Variants in GALNT14 observed in about 807,000 individuals in gnomAD.
The protein encoded by GALNT14 is UDP-GalNAc:polypeptide N-acetylgalactosaminyltransferase 14.
In GALNT14, 60 loss-of-function variants were observed where a neutral mutation model predicts 77.5. That is an observed-to-expected ratio of 0.77 (90% CI 0.63 to 0.96). The LOEUF is 0.96. GALNT14 is among the 40% of genes least tolerant of loss of function. The pLI is 0.00. For synonymous variants in GALNT14, 280 were observed against 281.7 expected (o/e 0.99, Z 0.06); for missense variants, 710 against 731.0 (o/e 0.97, Z 0.33).
chr2:30,934,909 G>A (rs1271643351), intron 9 of GALNT14, among the ~76,000 whole-genome samples: 1 of 152,094 alleles, frequency 6.6e-6, no homozygotes, highest in Non-Finnish European at 1.5e-5. Context: ...GAGATGGACG[G>A]GACATTATCA....
intron 1 of GALNT14, among the ~76,000 whole-genome samples, chr2:31,100,379 T>C (rs1017027989): frequency 2.6e-5 from 4 of 152,134 alleles, no homozygotes; most frequent in African/African-American, 9.6e-5. Flanking sequence ...TGTTTGTATA[T>C]GTGAAAAGTA....
intron 1 of GALNT14, among the ~76,000 whole-genome samples, chr2:31,057,318 A>AT (rs1558532821): frequency 2.8e-4 from 35 of 123,486 alleles, no homozygotes; most frequent in African/African-American, 4.7e-4. Flanking sequence ...TATATATATA[A>AT]AATTATATAT....
chr2:30,941,432 T>C (rs949976682), intron 9 of GALNT14, among the ~76,000 whole-genome samples: 5 of 152,196 alleles, frequency 3.3e-5, no homozygotes, highest in African/African-American at 4.8e-5. Context: ...ATTTTACACA[T>C]TTACTTCAAT....
chr2:30,976,543 A>G (rs1206886689), intron 2 of GALNT14, among the ~76,000 whole-genome samples: 1 of 152,076 alleles, frequency 6.6e-6, no homozygotes, highest in Non-Finnish European at 1.5e-5. Context: ...CTCTAGGGAC[A>G]CTGGCAGGAC....
At chr2:30,996,486 G>T (rs1208480473) in intron 1 of GALNT14, among the ~76,000 whole-genome samples, 1 of 152,258 alleles carries the variant, frequency 6.6e-6, no homozygotes, top group Non-Finnish European at 1.5e-5. Context: ...GTGCTGGAGA[G>T]GCAGGTGGAG....
intron 1 of GALNT14, among the ~76,000 whole-genome samples, chr2:31,044,057 G>A (rs1317431908): frequency 6.6e-6 from 1 of 152,162 alleles, no homozygotes; most frequent in African/African-American, 2.4e-5. Context: ...CACAGTGAAG[G>A]ACTAGCGACA....
chr2:31,074,158 A>AAGGGAGACGGTGCC lies in GALNT14; in HGVS notation c.129+63786_129+63799dup, dbSNP rs372183622. On this transcript the variant is annotated intron_variant, in intron 1 of 14. Transcript: ENST00000349752. ...ACTGCCCAGGAGAAGACACAGACTG[A>AAGGGAGACGGTGCC]AGGGAGACGGTGCCAGGGAGACGGT... Among the ~76,000 whole-genome samples the AAGGGAGACGGTGCC allele has an allele frequency of 8.5e-3, 1,292 of 152,254 alleles. 16 individuals are homozygous for AAGGGAGACGGTGCC. The highest frequency in any genetic ancestry group is 0.028 in the African/African-American group (1,168 of 41,540).
At chr2:31,080,647 T>C (rs750046475) in intron 1 of GALNT14, among the ~76,000 whole-genome samples, 1 of 151,986 alleles carries the variant, frequency 6.6e-6, no homozygotes, top group Non-Finnish European at 1.5e-5. Flanking sequence ...GTTCTGGGAG[T>C]CTCAGATGAC....
intron 9 of GALNT14, among the ~76,000 whole-genome samples, chr2:30,938,066 C>T (rs1034641559): frequency 6.7e-6 from 1 of 149,254 alleles, no homozygotes; most frequent in Non-Finnish European, 1.5e-5. Context: ...TACTTACACA[C>T]TCAGGAGAGC....
At position 30,934,812 on chromosome 2, in the gene GALNT14, A is replaced by G. The variant is rs191933583; in HGVS notation, c.932-2618T>C. Among the ~76,000 whole-genome samples the G allele has an allele frequency of 1.5e-3, 230 of 152,246 alleles. 1 individual carries two copies. In the South Asian group the frequency reaches 0.017, roughly 11 times the overall value. On this transcript the variant is annotated intron_variant, in intron 9 of 14. Coordinates refer to ENST00000349752, the MANE Select transcript of GALNT14 (RefSeq NM_024572.4). ...CGCCTCTGCTCCCAGAGTTCACTCT[A>G]TGCTGAGGACTCACCTCCATCCTAC...
intron 13 of GALNT14, among the ~76,000 whole-genome samples, chr2:30,923,080 G>GCT (rs1665134131): frequency 1.6e-4 from 8 of 51,212 alleles, no homozygotes; most frequent in African/African-American, 5.3e-4. Flanking sequence ...TTTTTTTTTT[G>GCT]AAATGGAGTT....
intron 1 of GALNT14, among the ~76,000 whole-genome samples, chr2:31,056,713 TA>T (rs948080256): frequency 3.3e-5 from 5 of 152,330 alleles, no homozygotes; most frequent in African/African-American, 1.2e-4. Flanking sequence ...TATTTCAAAA[TA>T]TTTTTTAAAC....
In GALNT14 at chr2:30,955,898, C is replaced by G; in HGVS notation, c.532+14G>C. 1.2e-5 allele frequency: 19 copies of G among 1,613,744 alleles called. No individual in the cohort carries two copies. The highest frequency in any genetic ancestry group is 1.5e-5 in the Non-Finnish European group (18 of 1,180,024). The stretch of plus-strand genomic sequence containing the variant: ...ACTCACACTGGAGGCTCCCGCACAA[C>G]AGCTCAGACCTACCTTGCCGTTCAT... On this transcript the variant is annotated intron_variant, in intron 5 of 14. Coordinates refer to ENST00000349752, the MANE Select transcript of GALNT14 (RefSeq NM_024572.4).
intron 1 of GALNT14, among the ~76,000 whole-genome samples, chr2:31,128,126 G>C (rs148294725): frequency 6.6e-6 from 1 of 152,030 alleles, no homozygotes; most frequent in African/African-American, 2.4e-5. Context: ...CTGATCTTAC[G>C]CTTTCCTAAG....
At chr2:30,988,753 C>A (rs1669477594) in intron 2 of GALNT14, among the ~76,000 whole-genome samples, 1 of 152,298 alleles carries the variant, frequency 6.6e-6, no homozygotes, top group South Asian at 2.1e-4. Context: ...GTAGCTCTTG[C>A]CGAGACACAA....
intron 1 of GALNT14, among the ~76,000 whole-genome samples, chr2:31,077,163 A>G (rs1181525454): frequency 6.6e-6 from 1 of 152,216 alleles, no homozygotes; most frequent in East Asian, 1.9e-4. Flanking sequence ...TTTTAGACCC[A>G]CTTTACAGAT....
chr2:30,973,236 G>T (rs549134406), intron 2 of GALNT14, among the ~76,000 whole-genome samples: 5 of 152,276 alleles, frequency 3.3e-5, no homozygotes, highest in Admixed American at 3.3e-4. Flanking sequence ...TGCAGGTGGC[G>T]TAGGCACATC....
chr2:31,082,016 G>A (rs1019382736), intron 1 of GALNT14, among the ~76,000 whole-genome samples: 1 of 152,154 alleles, frequency 6.6e-6, no homozygotes, highest in Admixed American at 6.5e-5. Flanking sequence ...GAGTTGTGTT[G>A]CCTATGTCAC....
chr2:31,035,544 A>T (rs1413162528), intron 1 of GALNT14, among the ~76,000 whole-genome samples: 1 of 132,664 alleles, frequency 7.5e-6, no homozygotes, highest in African/African-American at 2.8e-5. Flanking sequence ...GGTAGACTGG[A>T]TAAAGAAAAT....
Sources: allele counts gnomAD v4.1 joint callset (sites outside exome capture counted in the v4.1 genomes callset), GRCh38; gene constraint gnomAD v4.1.1; transcripts MANE v1.5; gene names NCBI Gene and HGNC (gene_info 2026-07-23, HGNC 2026-07-21).